Variants in PDE8B observed in about 807,000 individuals in gnomAD.
PDE8B encodes high affinity cAMP-specific and IBMX-insensitive 3',5'-cyclic phosphodiesterase 8B.
PDE8B carries 26 observed loss-of-function variants against 101.3 expected under a neutral mutation model. The ratio of observed to expected loss-of-function variants is 0.26; its 90% CI spans 0.19 to 0.36. The LOEUF (loss-of-function observed/expected upper bound fraction) is 0.36, where lower values mean the gene tolerates loss of function less well. Among genes scored for constraint, PDE8B ranks in the 10% least tolerant of loss-of-function variants. PDE8B has a pLI of 1.00. For missense variants in PDE8B, 810 were observed against 1,163.1 expected (o/e 0.70, Z 4.42); for synonymous variants, 424 against 429.3 (o/e 0.99, Z 0.15).
chr5:77,218,927 T>A (rs955226275), intron 1 of PDE8B, among the ~76,000 whole-genome samples: 12 of 152,194 alleles, frequency 7.9e-5, no homozygotes, highest in African/African-American at 2.7e-4. Context: ...ATTTGGCCAA[T>A]AGATGACTAA....
chr5:77,417,593 GTTTC>G (rs1197395914), intron 17 of PDE8B, among the ~76,000 whole-genome samples: 4 of 152,174 alleles, frequency 2.6e-5, no homozygotes, highest in Non-Finnish European at 5.9e-5. Context: ...GCTCTGGTTT[GTTTC>G]TTTAATTACA....
intron 1 of PDE8B, among the ~76,000 whole-genome samples, chr5:77,232,807 A>G (rs1233685941): frequency 1.3e-5 from 2 of 152,192 alleles, no homozygotes; most frequent in Non-Finnish European, 2.9e-5. Context: ...TGTCATGGAA[A>G]CCAAGTGCAT....
chr5:77,208,005 T>G (rs1747643770), upstream of PDE8B, among the ~76,000 whole-genome samples: 1 of 152,244 alleles, frequency 6.6e-6, no homozygotes, highest in Non-Finnish European at 1.5e-5. Context: ...GGTCCTAATA[T>G]GAACTGTTCA....
At chr5:77,388,914 C>T (rs1789310811) in intron 10 of PDE8B, among the ~76,000 whole-genome samples, 1 of 152,050 alleles carries the variant, frequency 6.6e-6, no homozygotes, top group African/African-American at 2.4e-5. Context: ...TGGCAGATAC[C>T]CCTCCCCACG....
At chr5:77,420,473 T>G (rs1484129561) in intron 19 of PDE8B, among the ~76,000 whole-genome samples, 1 of 152,104 alleles carries the variant, frequency 6.6e-6, no homozygotes, top group Admixed American at 6.6e-5. Flanking sequence ...CACTGTTCTC[T>G]GAAGCCATGA....
chr5:77,180,433 G>A, the PDE8B span: 15 of 985,204 alleles, frequency 1.5e-5, no homozygotes, highest in Non-Finnish European at 1.7e-5. Context: ...GGGCGCCCAG[G>A]AGCCGCCCGC....
chr5:77,272,707 C>T (rs1033379683), intron 1 of PDE8B, among the ~76,000 whole-genome samples: 1 of 152,010 alleles, frequency 6.6e-6, no homozygotes, highest in Admixed American at 6.6e-5. Flanking sequence ...ATTATTAGCC[C>T]AGAAGTAGGA....
At chr5:77,274,234 C>T (rs1481391593) in intron 1 of PDE8B, among the ~76,000 whole-genome samples, 1 of 152,072 alleles carries the variant, frequency 6.6e-6, no homozygotes, top group Non-Finnish European at 1.5e-5. Context: ...CAAAAAATCC[C>T]TATGAGGTAG....
the PDE8B span, chr5:77,165,644 A>T: frequency 6.6e-6 from 1 of 152,400 alleles, no homozygotes; most frequent in Admixed American, 6.5e-5. Context: ...CTCATGGGCT[A>T]AACCATATCC....
At chr5:77,266,080 G>A (rs982137510) in intron 1 of PDE8B, among the ~76,000 whole-genome samples, 5 of 152,218 alleles carry the variant, frequency 3.3e-5, no homozygotes, top group African/African-American at 1.2e-4. Flanking sequence ...GCTGTTCAGC[G>A]GCATTGTGGT....
At chr5:77,150,396 G>A in the PDE8B span, among the ~76,000 whole-genome samples, 322 of 152,120 alleles carry the variant, frequency 2.1e-3, 1 homozygote, top group African/African-American at 7.4e-3. Context: ...GCATACAACT[G>A]TAACCCACTC....
At chr5:77,150,586 G>T in the PDE8B span, among the ~76,000 whole-genome samples, 14 of 152,286 alleles carry the variant, frequency 9.2e-5, no homozygotes, top group South Asian at 2.1e-4. Context: ...AGAGTGAGAG[G>T]TCCTGCAACG....
intron 6 of PDE8B, among the ~76,000 whole-genome samples, chr5:77,343,873 CT>C (rs34017471): frequency 0.38 from 48,620 of 126,524 alleles, 7,149 homozygotes; most frequent in African/African-American, 0.54. Context: ...ATTTTTAAAT[CT>C]TTTTTTTTTT....
At chr5:77,105,149 A>G in the PDE8B span, 13 of 152,204 alleles carry the variant, frequency 8.5e-5, no homozygotes, top group African/African-American at 4.8e-5. Context: ...TCATTCTGTT[A>G]TATAGATATA....
intron 20 of PDE8B, among the ~76,000 whole-genome samples, chr5:77,423,919 G>C (rs1353298919): frequency 6.6e-6 from 1 of 151,812 alleles, no homozygotes; most frequent in Non-Finnish European, 1.5e-5. Flanking sequence ...TTACAGGCGT[G>C]AGCCACCGCA....
At chr5:77,165,780 C>T in the PDE8B span, among the ~76,000 whole-genome samples, 10 of 151,718 alleles carry the variant, frequency 6.6e-5, no homozygotes, top group South Asian at 4.1e-4. Flanking sequence ...CCAAGCTGGG[C>T]GGATCACTTG....
At chr5:77,255,267 G>A (rs763209067) in intron 1 of PDE8B, among the ~76,000 whole-genome samples, 1 of 151,928 alleles carries the variant, frequency 6.6e-6, no homozygotes, top group Admixed American at 6.5e-5. Flanking sequence ...GCTTTCAGAC[G>A]TTCATTTTTC....
intron 1 of PDE8B, among the ~76,000 whole-genome samples, chr5:77,252,935 T>C (rs1758363131): frequency 6.6e-6 from 1 of 152,200 alleles, no homozygotes; most frequent in South Asian, 2.1e-4. Flanking sequence ...GTCTAATCTC[T>C]GCAATTATGA....
chr5:77,361,004 A>C (rs1475325883), intron 10 of PDE8B, among the ~76,000 whole-genome samples: 2 of 152,230 alleles, frequency 1.3e-5, no homozygotes, highest in Non-Finnish European at 2.9e-5. Context: ...TAAAAATTAA[A>C]TTATATAAGC....
Sources: gnomAD v4.1 joint callset for allele counts (sites outside exome capture counted in the v4.1 genomes callset) on GRCh38, gnomAD v4.1.1 for gene constraint, MANE v1.5 for transcripts, NCBI Gene and HGNC (gene_info 2026-07-23, HGNC 2026-07-21) for gene names.